Variants in TRAK1 observed in about 807,000 individuals in gnomAD.
The protein encoded by TRAK1 is trafficking kinesin-binding protein 1.
In TRAK1, 33 loss-of-function variants were observed where a neutral mutation model predicts 92.1. The observed-to-expected ratio is 0.36, with a 90% confidence interval of 0.27 to 0.48. The LOEUF is 0.48. Ranked by LOEUF, TRAK1 falls within the 20% of genes least tolerant of loss-of-function variation. The probability of loss-of-function intolerance (pLI) is 0.99; values close to 1 mark genes in which losing one functional copy is unlikely to be tolerated. For synonymous variants in TRAK1, 521 were observed against 517.3 expected (o/e 1.01, Z -0.10); for missense variants, 1,123 against 1,257.9 (o/e 0.89, Z 1.62).
rs746994757 is a variant in TRAK1, at chr3:42,125,570, T to C, written c.242T>C (p.Ile81Thr). Residue 81 changes from isoleucine (I) to threonine (T), a missense_variant, in exon 2 of 16, where the codon ATT becomes ACT. By Grantham distance (89) the Ile-to-Thr change is moderately conservative. This residue lies in a region of TRAK1 where 686 missense variants were observed against 747.6 expected (regional missense o/e 0.92). Coordinates refer to ENST00000327628, the MANE Select transcript of TRAK1 (RefSeq NM_001042646.3). ...CCTCTCATTTCTCCAGATGCCAACA[T>C]TGACCTCACAACCGAGCAAATTGAA... is the stretch of plus-strand genomic sequence containing the variant. ...HTPLISPDANIDLTTEQIEET... is the reference protein window; with the variant it reads ...HTPLISPDANTDLTTEQIEET... 8.7e-6 allele frequency: 14 copies of C among 1,614,106 alleles called. No individual in the cohort carries two copies. The South Asian group carries it at 1.2e-4, about 14-fold the overall frequency.
At chr3:42,141,439 A>G (rs1180219493) in intron 2 of TRAK1, among the ~76,000 whole-genome samples, 1 of 152,210 alleles carries the variant, frequency 6.6e-6, no homozygotes, top group East Asian at 1.9e-4. Context: ...CCAGTGATCT[A>G]GTAATCTTAA....
At chr3:42,124,106 C>G (rs1300804618) in intron 1 of TRAK1, among the ~76,000 whole-genome samples, 3 of 150,954 alleles carry the variant, frequency 2.0e-5, no homozygotes, top group Non-Finnish European at 4.4e-5. Context: ...CCACTGCATT[C>G]CAGCCTGGGC....
intron 2 of TRAK1, among the ~76,000 whole-genome samples, chr3:42,158,900 A>C (rs551305367): frequency 6.6e-6 from 1 of 150,402 alleles, no homozygotes; most frequent in South Asian, 2.1e-4. Context: ...CGGAGCTTGC[A>C]GTGAGCCGAG....
chr3:42,083,599 G>T (rs868154973), upstream of TRAK1, among the ~76,000 whole-genome samples: 1 of 152,192 alleles, frequency 6.6e-6, no homozygotes, highest in Non-Finnish European at 1.5e-5. Flanking sequence ...AACTGGCTGG[G>T]TGCTGTGGCT....
chr3:42,114,771 C>T (rs1031813493), intron 1 of TRAK1, among the ~76,000 whole-genome samples: 4 of 151,830 alleles, frequency 2.6e-5, no homozygotes, highest in African/African-American at 9.7e-5. Flanking sequence ...GGAGTGCAAT[C>T]GTGCGATCTC....
At chr3:42,210,693 A>G (rs892515266) in intron 14 of TRAK1, 2 of 989,000 alleles carry the variant, frequency 2.0e-6, no homozygotes, top group South Asian at 4.7e-5. Flanking sequence ...TATATATGTC[A>G]TTTTCTTTTC....
chr3:42,042,946 C>T (rs113916205), intron 1 of TRAK1, among the ~76,000 whole-genome samples: 2 of 152,088 alleles, frequency 1.3e-5, no homozygotes, highest in African/African-American at 4.8e-5. Flanking sequence ...CTCCTCATCT[C>T]GTCTTTAAAA....
At chr3:42,149,639 G>A in intron 2 of TRAK1, 1 of 1,535,992 alleles carries the variant, frequency 6.5e-7, no homozygotes, top group Non-Finnish European at 8.7e-7. Flanking sequence ...GGATGTATAG[G>A]GGTATTGTCT....
intron 10 of TRAK1, among the ~76,000 whole-genome samples, chr3:42,197,214 T>G (rs1706847452): frequency 6.6e-6 from 1 of 152,128 alleles, no homozygotes; most frequent in Admixed American, 6.5e-5. Context: ...GCTTTGAAAT[T>G]ACAGTCATCC....
At chr3:42,071,918 C>G (rs964421647) in intron 1 of TRAK1, among the ~76,000 whole-genome samples, 1 of 152,304 alleles carries the variant, frequency 6.6e-6, no homozygotes, top group South Asian at 2.1e-4. Flanking sequence ...GATGAGATTA[C>G]CACTCCTACC....
chr3:42,150,088 G>T (rs1027969759), intron 2 of TRAK1, among the ~76,000 whole-genome samples: 1 of 152,082 alleles, frequency 6.6e-6, no homozygotes, highest in African/African-American at 2.4e-5. Context: ...ACCATCAGAG[G>T]CTGGAGAAAA....
chr3:42,044,060 G>A (rs894170546), intron 1 of TRAK1, among the ~76,000 whole-genome samples: 4 of 152,214 alleles, frequency 2.6e-5, no homozygotes, highest in Non-Finnish European at 5.9e-5. Flanking sequence ...GCACTGGATT[G>A]TTTGATTTTG....
chr3:42,168,577 A>G (rs1405566476), intron 2 of TRAK1, among the ~76,000 whole-genome samples: 1 of 151,774 alleles, frequency 6.6e-6, no homozygotes, highest in Non-Finnish European at 1.5e-5. Flanking sequence ...CTTGGCAACC[A>G]CTAATCTGCT....
chr3:42,056,195 T>C (rs1288135600), intron 1 of TRAK1, among the ~76,000 whole-genome samples: 1 of 152,222 alleles, frequency 6.6e-6, no homozygotes, highest in Admixed American at 6.5e-5. Context: ...TTTATGTTGA[T>C]ACCTATGAGA....
chr3:42,212,132 C>G, intron 14 of TRAK1: 1 of 985,412 alleles, frequency 1.0e-6, no homozygotes, highest in Non-Finnish European at 1.2e-6. Flanking sequence ...GTAAATCATC[C>G]TGGAGGTCCC....
At chr3:42,109,492 T>C (rs1410197501) in intron 1 of TRAK1, among the ~76,000 whole-genome samples, 1 of 152,190 alleles carries the variant, frequency 6.6e-6, no homozygotes, top group Non-Finnish European at 1.5e-5. Flanking sequence ...TGCTGGATAT[T>C]TTACTAATCT....
At chr3:42,152,590 G>A (rs966894479) in intron 2 of TRAK1, among the ~76,000 whole-genome samples, 6 of 152,156 alleles carry the variant, frequency 3.9e-5, no homozygotes, top group African/African-American at 9.7e-5. Context: ...TTTACATCAC[G>A]TGTGTTTGGG....
At chr3:42,104,917 A>T (rs1707306927) in intron 1 of TRAK1, among the ~76,000 whole-genome samples, 1 of 150,728 alleles carries the variant, frequency 6.6e-6, no homozygotes, top group African/African-American at 2.4e-5. Flanking sequence ...CTAAAGGAGG[A>T]TGTTCAAACC....
intron 3 of TRAK1, among the ~76,000 whole-genome samples, chr3:42,182,552 C>T (rs780435681): frequency 3.3e-5 from 5 of 152,170 alleles, no homozygotes; most frequent in Admixed American, 1.3e-4. Flanking sequence ...GCCGGGATTA[C>T]GGGTGAGAGC....
Sources: gnomAD v4.1 joint callset for allele counts (sites outside exome capture counted in the v4.1 genomes callset) on GRCh38, gnomAD v4.1.1 for gene constraint, gnomAD v4.1.1 regional missense constraint, MANE v1.5 for transcripts, NCBI Gene and HGNC (gene_info 2026-07-23, HGNC 2026-07-21) for gene names.